The following STK40 variants were observed in gnomAD, a reference collection of about 807,000 sequenced individuals.
STK40 encodes serine/threonine-protein kinase 40.
STK40 carries 13 observed loss-of-function variants against 47.9 expected under a neutral mutation model. The ratio of observed to expected loss-of-function variants is 0.27; its 90% CI spans 0.18 to 0.43. STK40 has a LOEUF of 0.43. Ranked by LOEUF, STK40 falls within the 20% of genes least tolerant of loss-of-function variation. STK40 has a pLI of 1.00. For missense variants in STK40, 460 were observed against 595.1 expected (o/e 0.77, Z 2.36); for synonymous variants, 225 against 243.2 (o/e 0.93, Z 0.69).
At chr1:36,342,253 C>T (rs965602933) in intron 10 of STK40, 3 of 463,922 alleles carry the variant, frequency 6.5e-6, no homozygotes, top group East Asian at 4.2e-5. Context: ...GGTCACTTTA[C>T]CTCAGAAGCC....
intron 6 of STK40, among the ~76,000 whole-genome samples, chr1:36,351,504 A>G (rs1570440793): frequency 6.6e-6 from 1 of 152,212 alleles, no homozygotes; most frequent in East Asian, 1.9e-4. Context: ...TCTGCACCAC[A>G]CTACCCTGCC....
intron 2 of STK40, among the ~76,000 whole-genome samples, chr1:36,360,436 C>A (rs533615160): frequency 1.3e-5 from 2 of 152,322 alleles, no homozygotes; most frequent in African/African-American, 4.8e-5. Context: ...GGGGGCTATA[C>A]AAAATGCTTT....
At chr1:36,379,573 G>A (rs1374854083) in intron 1 of STK40, among the ~76,000 whole-genome samples, 8 of 151,918 alleles carry the variant, frequency 5.3e-5, no homozygotes, top group African/African-American at 1.9e-4. Context: ...GTAGATACAG[G>A]GTTTTACCGT....
intron 4 of STK40, among the ~76,000 whole-genome samples, chr1:36,355,867 G>C (rs1003993045): frequency 2.0e-5 from 3 of 152,126 alleles, no homozygotes; most frequent in Non-Finnish European, 4.4e-5. Flanking sequence ...GTCAATCTTG[G>C]CAGGCTCCAG....
In STK40 at chr1:36,343,715, C is replaced by T; in HGVS notation, c.1004+145G>A. 2.2e-6 allele frequency: 3 copies of T among 1,378,460 alleles called. 1 individual carries two copies. The highest frequency in any genetic ancestry group is 3.0e-5 in the South Asian group (2 of 66,212). 85.4% of individuals were successfully genotyped at this position (1,378,460 alleles called of 1,614,324 possible). On this transcript the variant is annotated intron_variant, in intron 9 of 10. Coordinates refer to ENST00000373132, the MANE Select transcript of STK40 (RefSeq NM_001282547.2). ...CTCAACCTTCAGTTCTGCCTATGCC[C>T]TCCCAATCTTGTCCATGCAGAGAAT...
At chr1:36,371,895 G>C (rs575123796) in intron 1 of STK40, among the ~76,000 whole-genome samples, 3 of 151,102 alleles carry the variant, frequency 2.0e-5, no homozygotes, top group Non-Finnish European at 2.9e-5. Context: ...CTACTTGGGA[G>C]GCTGAGGCAG....
At chr1:36,372,656 C>T (rs1197440731) in intron 1 of STK40, 1 of 152,176 alleles carries the variant, frequency 6.6e-6, no homozygotes, top group Non-Finnish European at 1.5e-5. Flanking sequence ...TACTTATAAA[C>T]AATCATTCTC....
At chr1:36,382,375 C>T (rs1390162740) in intron 1 of STK40, among the ~76,000 whole-genome samples, 3 of 151,974 alleles carry the variant, frequency 2.0e-5, no homozygotes, top group East Asian at 1.9e-4. Flanking sequence ...AGACGGGTTT[C>T]GCCATGTTGC....
chr1:36,372,942 C>T (rs1216636400), intron 1 of STK40, among the ~76,000 whole-genome samples: 1 of 152,194 alleles, frequency 6.6e-6, no homozygotes, highest in Non-Finnish European at 1.5e-5. Flanking sequence ...ACCTGCTCTC[C>T]ATCCACAAAG....
intron 6 of STK40, among the ~76,000 whole-genome samples, 187 bp from the exon 7 acceptor site, chr1:36,349,002 G>C (rs1317614615): frequency 6.6e-6 from 1 of 152,216 alleles, no homozygotes; most frequent in Non-Finnish European, 1.5e-5. Flanking sequence ...TCAGGCCCCA[G>C]ACTTTTCTGG....
intron 1 of STK40, among the ~76,000 whole-genome samples, chr1:36,365,783 A>G (rs1386933294): frequency 6.6e-6 from 1 of 152,162 alleles, no homozygotes; most frequent in East Asian, 1.9e-4. Flanking sequence ...ATTTTCCTCC[A>G]TAGTACTTTC....
chr1:36,385,500 G>A (rs1647078078), intron 1 of STK40, among the ~76,000 whole-genome samples: 1 of 152,200 alleles, frequency 6.6e-6, no homozygotes, highest in African/African-American at 2.4e-5. Flanking sequence ...GGCGGGGACT[G>A]AAGCTCCCGC....
At chr1:36,353,576 C>T (rs1646777738) in intron 6 of STK40, among the ~76,000 whole-genome samples, 1 of 152,204 alleles carries the variant, frequency 6.6e-6, no homozygotes, top group African/African-American at 2.4e-5. Context: ...TACAGGTAAC[C>T]ACTCACAGCT....
chr1:36,384,143 C>T (rs1647065218), intron 1 of STK40, among the ~76,000 whole-genome samples: 1 of 152,028 alleles, frequency 6.6e-6, no homozygotes, highest in Non-Finnish European at 1.5e-5. Context: ...AATTCTCCTG[C>T]CTCAGCCTCC....
At chr1:36,376,528 C>CA (rs1349807043) in intron 1 of STK40, among the ~76,000 whole-genome samples, 1 of 152,146 alleles carries the variant, frequency 6.6e-6, no homozygotes, top group Non-Finnish European at 1.5e-5. Context: ...CGTGTAGCAG[C>CA]AAAAAACAAA....
chr1:36,361,616 T>TA (rs1436155420), intron 1 of STK40, among the ~76,000 whole-genome samples: 6 of 152,060 alleles, frequency 3.9e-5, no homozygotes, highest in Non-Finnish European at 2.9e-5. Context: ...AGTGGCCAGT[T>TA]AAATTCAGAG....
intron 4 of STK40, among the ~76,000 whole-genome samples, chr1:36,356,250 T>C (rs1646803123): frequency 6.6e-6 from 1 of 152,076 alleles, no homozygotes; most frequent in Non-Finnish European, 1.5e-5. Flanking sequence ...GACACAATGG[T>C]AGCAAACTCT....
chr1:36,361,570 A>C (rs764707736), intron 1 of STK40, among the ~76,000 whole-genome samples: 2 of 152,210 alleles, frequency 1.3e-5, no homozygotes, highest in African/African-American at 2.4e-5. Context: ...CAGCATATAC[A>C]GGGTACAGAG....
intron 7 of STK40, among the ~76,000 whole-genome samples, chr1:36,347,546 C>T (rs1260107156): frequency 2.6e-5 from 4 of 152,232 alleles, no homozygotes; most frequent in African/African-American, 9.6e-5. Flanking sequence ...TAGATATTGG[C>T]CTCACAGGGT....
Sources: gnomAD v4.1 joint callset for allele counts (sites outside exome capture counted in the v4.1 genomes callset) on GRCh38, gnomAD v4.1.1 for gene constraint, MANE v1.5 for transcripts, NCBI Gene and HGNC (gene_info 2026-07-23, HGNC 2026-07-21) for gene names.